The following PAPSS1 variants were observed in gnomAD, a reference collection of about 807,000 sequenced individuals.
PAPSS1 encodes the protein 3'-phosphoadenosine 5'-phosphosulfate synthase 1.
In PAPSS1, 50 loss-of-function variants were observed where a neutral mutation model predicts 72.0. The observed-to-expected ratio is 0.69, with a 90% confidence interval of 0.55 to 0.88. The LOEUF (loss-of-function observed/expected upper bound fraction) is 0.88, where lower values mean the gene tolerates loss of function less well. PAPSS1 is among the 40% of genes least tolerant of loss of function. The pLI is 0.00. For synonymous variants in PAPSS1, 261 were observed against 263.6 expected, an observed-to-expected ratio of 0.99 and a Z score of 0.09; for missense variants, 657 against 782.2, an observed-to-expected ratio of 0.84 and a Z score of 1.91.
chr4:107,657,158 C>A, intron 6 of PAPSS1, 151 bp from the exon 7 acceptor site: 1 of 575,236 alleles, frequency 1.7e-6, no homozygotes, highest in Non-Finnish European at 3.2e-6. Flanking sequence ...AGAATAAGGG[C>A]ACTAGGAAAA....
At position 107,650,613 on chromosome 4, in the gene PAPSS1, T is replaced by C. The variant is rs186168753; in HGVS notation, c.1237+2878A>G. On this transcript the variant is annotated intron_variant, in intron 9 of 11. Transcript: ENST00000265174. ...TCTGTTCACCAGCAGAAAAGGGAAGTGTACATATAATAAACTACCAGATGT... is the reference window on the plus strand; with the variant it reads ...TCTGTTCACCAGCAGAAAAGGGAAGCGTACATATAATAAACTACCAGATGT... Among the ~76,000 whole-genome samples, 1,429 of 152,276 alleles carry C rather than the reference T, an allele frequency of 9.4e-3. 30 individuals are homozygous for C. The highest frequency in any genetic ancestry group is 7.4e-3 in the Non-Finnish European group (501 of 68,018).
intron 5 of PAPSS1, among the ~76,000 whole-genome samples, chr4:107,679,997 A>T (rs1479968115): frequency 6.6e-6 from 1 of 152,182 alleles, no homozygotes; most frequent in African/African-American, 2.4e-5. Flanking sequence ...GGAATCAGCA[A>T]ACATAAAAAT....
intron 3 of PAPSS1, among the ~76,000 whole-genome samples, chr4:107,688,456 T>C (rs1028907686): frequency 6.6e-6 from 1 of 152,148 alleles, no homozygotes. Context: ...ATCTTGTCTC[T>C]AAAAAAATTT....
chr4:107,637,458 C>G (rs543817345), intron 10 of PAPSS1, among the ~76,000 whole-genome samples: 2 of 152,244 alleles, frequency 1.3e-5, no homozygotes, highest in Non-Finnish European at 2.9e-5. Flanking sequence ...TATAATACCA[C>G]TACCACTAAA....
intron 1 of PAPSS1, among the ~76,000 whole-genome samples, chr4:107,712,332 G>A (rs2125942245): frequency 6.6e-6 from 1 of 152,204 alleles, no homozygotes; most frequent in Non-Finnish European, 1.5e-5. Flanking sequence ...TTATACATAG[G>A]TAAATAAAGA....
intron 10 of PAPSS1, among the ~76,000 whole-genome samples, chr4:107,632,541 G>A (rs550900279): frequency 1.3e-5 from 2 of 151,398 alleles, no homozygotes; most frequent in African/African-American, 4.8e-5. Flanking sequence ...GTGAGTAAAC[G>A]GCCATGCTGC....
intron 1 of PAPSS1, chr4:107,719,818 T>C: frequency 8.0e-7 from 1 of 1,256,678 alleles, no homozygotes; most frequent in Non-Finnish European, 1.0e-6. Context: ...AGTTCACGGG[T>C]GAAGGATTTT....
intron 9 of PAPSS1, among the ~76,000 whole-genome samples, chr4:107,649,745 T>A (rs1451047722): frequency 6.6e-6 from 1 of 152,276 alleles, no homozygotes; most frequent in Non-Finnish European, 1.5e-5. Flanking sequence ...AGCAACGCTA[T>A]AAAGCTTTCT....
At chr4:107,657,663 G>C (rs1727056294) in intron 6 of PAPSS1, among the ~76,000 whole-genome samples, 2 of 151,946 alleles carry the variant, frequency 1.3e-5, no homozygotes, top group African/African-American at 4.8e-5. Flanking sequence ...CTTGAGCCCA[G>C]GAGGCAGAGG....
chr4:107,635,012 A>G (rs960660804), intron 10 of PAPSS1, among the ~76,000 whole-genome samples: 1 of 151,948 alleles, frequency 6.6e-6, no homozygotes, highest in Non-Finnish European at 1.5e-5. Flanking sequence ...GTTAGCCAGG[A>G]TGGTCTCGAT....
intron 11 of PAPSS1, among the ~76,000 whole-genome samples, chr4:107,630,980 G>A (rs1362342771): frequency 6.6e-6 from 1 of 151,872 alleles, no homozygotes; most frequent in African/African-American, 2.4e-5. Context: ...TTTGCTTTCT[G>A]ATGGCTCAAT....
chr4:107,713,544 G>C (rs1417811401), intron 1 of PAPSS1, among the ~76,000 whole-genome samples: 1 of 151,994 alleles, frequency 6.6e-6, no homozygotes, highest in Non-Finnish European at 1.5e-5. Flanking sequence ...CAGATCACGA[G>C]GTCAAGAGAT....
intron 1 of PAPSS1, 75 bp from the exon 2 acceptor site, chr4:107,701,360 C>A: frequency 2.2e-6 from 2 of 924,086 alleles, no homozygotes; most frequent in Non-Finnish European, 3.4e-6. Flanking sequence ...CTTGCAAACA[C>A]ACAAAAGTCT....
intron 1 of PAPSS1, among the ~76,000 whole-genome samples, chr4:107,718,556 T>C (rs1033776996): frequency 1.3e-5 from 2 of 152,174 alleles, no homozygotes; most frequent in African/African-American, 2.4e-5. Context: ...CGCCACTCAC[T>C]CTGGACCACA....
intron 3 of PAPSS1, among the ~76,000 whole-genome samples, chr4:107,693,415 G>A (rs1402301425): frequency 6.6e-6 from 1 of 152,214 alleles, no homozygotes; most frequent in Non-Finnish European, 1.5e-5. Flanking sequence ...TAGGGCACAT[G>A]TTAAGAAAGT....
At chr4:107,635,358 G>C (rs1452930141) in intron 10 of PAPSS1, among the ~76,000 whole-genome samples, 1 of 152,048 alleles carries the variant, frequency 6.6e-6, no homozygotes, top group Admixed American at 6.6e-5. Flanking sequence ...CATTAATATG[G>C]TATACATTTG....
chr4:107,675,465 C>T (rs1321532191), intron 5 of PAPSS1, among the ~76,000 whole-genome samples: 1 of 152,192 alleles, frequency 6.6e-6, no homozygotes, highest in African/African-American at 2.4e-5. Flanking sequence ...GACACATACA[C>T]CCTCCCAAGA....
chr4:107,658,563 T>C (rs553279910), intron 6 of PAPSS1, among the ~76,000 whole-genome samples: 2 of 152,276 alleles, frequency 1.3e-5, no homozygotes, highest in African/African-American at 4.8e-5. Context: ...TAACTAAGCA[T>C]ACAGCAGTGG....
At chr4:107,694,192 C>A in intron 2 of PAPSS1, 186 bp from the exon 3 acceptor site, 1 of 555,090 alleles carries the variant, frequency 1.8e-6, no homozygotes, top group Non-Finnish European at 3.2e-6. Context: ...TTCCAAATAG[C>A]TAGGACAACA....
Sources: allele counts gnomAD v4.1 joint callset (sites outside exome capture counted in the v4.1 genomes callset), GRCh38; gene constraint gnomAD v4.1.1; transcripts MANE v1.5; gene names NCBI Gene and HGNC (gene_info 2026-07-23, HGNC 2026-07-21).